UNC13C: variants seen among roughly 807,000 people sequenced by gnomAD.
UNC13C encodes the protein unc-13 homolog C.
A neutral mutation model predicts 245.4 loss-of-function variants in UNC13C; 174 were observed. That is an observed-to-expected ratio of 0.71 (90% CI 0.63 to 0.80). The LOEUF (loss-of-function observed/expected upper bound fraction) is 0.80, where lower values mean the gene tolerates loss of function less well. Ranked by LOEUF, UNC13C falls within the 30% of genes least tolerant of loss-of-function variation. The pLI, the probability that UNC13C is intolerant of heterozygous loss-of-function variation, is 0.00. For missense variants in UNC13C, 2,829 were observed against 2,602.9 expected, an observed-to-expected ratio of 1.09 and a Z score of -1.89; for synonymous variants, 992 against 895.1, an observed-to-expected ratio of 1.11 and a Z score of -1.93.
intron 18 of UNC13C, among the ~76,000 whole-genome samples, chr15:54,394,261 G>A (rs148294615): frequency 6.6e-6 from 1 of 151,912 alleles, no homozygotes; most frequent in East Asian, 1.9e-4. Flanking sequence ...TAATTGTGGA[G>A]AGAGTGGTCC....
intron 2 of UNC13C, among the ~76,000 whole-genome samples, chr15:54,086,840 A>T (rs1378830599): frequency 4.1e-5 from 6 of 144,602 alleles, no homozygotes; most frequent in Non-Finnish European, 8.9e-5. Context: ...AGTTCAATGG[A>T]TTCTCCTGCC....
At chr15:54,412,377 G>A (rs2040433831) in intron 18 of UNC13C, among the ~76,000 whole-genome samples, 1 of 152,132 alleles carries the variant, frequency 6.6e-6, no homozygotes, top group Non-Finnish European at 1.5e-5. Context: ...CAAGAGCACA[G>A]GAGGGAACTG....
chr15:53,872,772 C>A, the UNC13C span, among the ~76,000 whole-genome samples: 3 of 152,162 alleles, frequency 2.0e-5, no homozygotes, highest in African/African-American at 7.2e-5. Flanking sequence ...TTCTTACAAT[C>A]TGGACTCAGT....
chr15:54,558,191 A>G (rs1897165659), intron 29 of UNC13C, among the ~76,000 whole-genome samples: 1 of 152,084 alleles, frequency 6.6e-6, no homozygotes, highest in Non-Finnish European at 1.5e-5. Flanking sequence ...AGCATGTCAC[A>G]TGTATACATA....
the UNC13C span, among the ~76,000 whole-genome samples, chr15:53,916,826 C>T: frequency 6.6e-6 from 1 of 152,164 alleles, no homozygotes; most frequent in South Asian, 2.1e-4. Context: ...TATGTATTCC[C>T]GGATCGGATC....
intron 2 of UNC13C, among the ~76,000 whole-genome samples, chr15:54,054,571 A>T (rs990931764): frequency 1.3e-5 from 2 of 152,212 alleles, no homozygotes; most frequent in Non-Finnish European, 1.5e-5. Flanking sequence ...TTCAGCATCT[A>T]CTTGCCATTT....
Position 54,203,911 on chromosome 15 carries a change from C to A in UNC13C, c.3072-31119C>A, listed in dbSNP as rs543590596. 1.9e-4 allele frequency among the ~76,000 whole-genome samples: 23 copies of A among 119,274 alleles called. No homozygotes were observed. The South Asian group carries it at 5.5e-3, about 29-fold the overall frequency. The allele number at this position is 119,274 out of a possible 152,430, so 78.2% of individuals were successfully genotyped here. ...GTATATGTATATGTGTGTGTATATA[C>A]ATATATGTATATGTGTATATATACA... On this transcript the variant is annotated intron_variant, in intron 4 of 32. Transcript: ENST00000260323.
intron 2 of UNC13C, among the ~76,000 whole-genome samples, chr15:54,033,360 C>A (rs1273307935): frequency 1.3e-5 from 2 of 152,104 alleles, no homozygotes; most frequent in African/African-American, 4.8e-5. Flanking sequence ...TTTGGATATA[C>A]CTTAGTTCCT....
chr15:54,058,267 T>A (rs1369294917), intron 2 of UNC13C, among the ~76,000 whole-genome samples: 1 of 151,890 alleles, frequency 6.6e-6, no homozygotes, highest in African/African-American at 2.4e-5. Flanking sequence ...CAATAAAAAA[T>A]GACAAAGGGG....
At chr15:54,164,389 A>T (rs963393036) in intron 4 of UNC13C, among the ~76,000 whole-genome samples, 1 of 152,206 alleles carries the variant, frequency 6.6e-6, no homozygotes, top group African/African-American at 2.4e-5. Flanking sequence ...ATTATACTGT[A>T]TATCATTTGG....
chr15:54,054,530 A>G (rs1897415984), intron 2 of UNC13C, among the ~76,000 whole-genome samples: 1 of 152,132 alleles, frequency 6.6e-6, no homozygotes, highest in African/African-American at 2.4e-5. Context: ...ACCATTGCAG[A>G]ATCAAGAAGA....
intron 8 of UNC13C, among the ~76,000 whole-genome samples, chr15:54,252,108 A>G (rs7183742): frequency 6.6e-6 from 1 of 152,218 alleles, no homozygotes; most frequent in African/African-American, 2.4e-5. Flanking sequence ...TGAATTGCGT[A>G]TAGGCATCTT....
intron 4 of UNC13C, among the ~76,000 whole-genome samples, chr15:54,148,502 G>C (rs1364503373): frequency 6.6e-6 from 1 of 152,096 alleles, no homozygotes; most frequent in Non-Finnish European, 1.5e-5. Context: ...ATAAAGTTGA[G>C]ATTGCCTACT....
chr15:54,013,421 T>C lies in UNC13C; in HGVS notation c.518T>C (p.Leu173Pro). 13 of 1,613,814 alleles carry C rather than the reference T, an allele frequency of 8.1e-6. No homozygotes were observed. The highest frequency in any genetic ancestry group is 1.1e-5 in the Non-Finnish European group (13 of 1,179,874). The change falls in exon 2 of 33, where the codon CTA (leucine) becomes CCA (proline). Residue 173 changes from leucine (L) to proline (P), a missense_variant. Physicochemically the swap from Leu to Pro is moderately conservative, Grantham distance 98. Coordinates refer to ENST00000260323, the MANE Select transcript of UNC13C (RefSeq NM_001080534.3). ...SEGSSDGERTLHGLKLGALRK... is the reference protein window; with the variant it reads ...SEGSSDGERTPHGLKLGALRK... ...GGCAGCTCTGACGGGGAGCGTACTC[T>C]ACATGGCTTAAAACTGGGAGCTTTA...
intron 4 of UNC13C, among the ~76,000 whole-genome samples, chr15:54,161,535 T>C (rs1241704493): frequency 6.6e-6 from 1 of 152,188 alleles, no homozygotes; most frequent in Non-Finnish European, 1.5e-5. Context: ...CCAGAATTTC[T>C]CTTATATTGG....
Position 54,575,565 on chromosome 15 carries a change from TA to T in UNC13C, c.6106+7633del, listed in dbSNP as rs529591444. On this transcript the variant is annotated intron_variant, in intron 30 of 32. Coordinates refer to ENST00000260323, the MANE Select transcript of UNC13C (RefSeq NM_001080534.3). ...ATTGGCAGAAAAACTGTTCTCAAAT[TA>T]AAAAAAAAAAAAAATGAGCTTTTTG... 7.1e-3 allele frequency among the ~76,000 whole-genome samples: 992 copies of T among 139,954 alleles called. 2 individuals are homozygous for T. The highest frequency in any genetic ancestry group is 0.012 in the East Asian group (56 of 4,864). 91.8% of individuals were successfully genotyped at this position (139,954 alleles called of 152,430 possible).
intron 19 of UNC13C, among the ~76,000 whole-genome samples, chr15:54,489,823 G>C (rs1362198267): frequency 6.6e-6 from 1 of 152,144 alleles, no homozygotes; most frequent in Non-Finnish European, 1.5e-5. Context: ...AAACATCACA[G>C]GTAGATCTCA....
At chr15:53,881,875 C>T in the UNC13C span, among the ~76,000 whole-genome samples, 1 of 152,176 alleles carries the variant, frequency 6.6e-6, no homozygotes, top group African/African-American at 2.4e-5. Flanking sequence ...ATGCCTATAA[C>T]CCACATGATT....
chr15:53,858,725 A>T, the UNC13C span, among the ~76,000 whole-genome samples: 1 of 152,120 alleles, frequency 6.6e-6, no homozygotes. Flanking sequence ...GGCCCAGATA[A>T]TGAAATAGGC....
Sources: gnomAD v4.1 joint callset for allele counts (sites outside exome capture counted in the v4.1 genomes callset) on GRCh38, gnomAD v4.1.1 for gene constraint, MANE v1.5 for transcripts, NCBI Gene and HGNC (gene_info 2026-07-23, HGNC 2026-07-21) for gene names.